Variants in MOB3B observed in about 807,000 individuals in gnomAD.
The protein encoded by MOB3B is MOB kinase activator 3B, also known as MOB kinase activator-like 2B.
Under a neutral mutation model 18.7 loss-of-function variants are expected in MOB3B, and 7 were observed. That is an observed-to-expected ratio of 0.37 (90% CI 0.21 to 0.70). The LOEUF (loss-of-function observed/expected upper bound fraction) is 0.70, where lower values mean the gene tolerates loss of function less well. Among genes scored for constraint, MOB3B ranks in the 30% least tolerant of loss-of-function variants. The pLI is 0.52. For missense variants in MOB3B, 253 were observed against 281.3 expected (o/e 0.90, Z 0.72); for synonymous variants, 111 against 99.9 (o/e 1.11, Z -0.66).
At chr9:27,504,996 C>T (rs1820038457) in intron 1 of MOB3B, among the ~76,000 whole-genome samples, 1 of 152,156 alleles carries the variant, frequency 6.6e-6, no homozygotes, top group Non-Finnish European at 1.5e-5. Flanking sequence ...TTGCCTGCCT[C>T]CTTCTCATAA....
At chr9:27,508,108 A>G (rs540536852) in intron 1 of MOB3B, among the ~76,000 whole-genome samples, 1 of 152,326 alleles carries the variant, frequency 6.6e-6, no homozygotes, top group East Asian at 1.9e-4. Flanking sequence ...AAAGGAATTC[A>G]CTTGGGAAAT....
At chr9:27,495,568 T>G (rs1819886317) in intron 1 of MOB3B, among the ~76,000 whole-genome samples, 1 of 152,096 alleles carries the variant, frequency 6.6e-6, no homozygotes, top group South Asian at 2.1e-4. Context: ...AAGGGACTGC[T>G]GAATTCAATT....
At chr9:27,423,683 G>A (rs1295665043) in intron 2 of MOB3B, among the ~76,000 whole-genome samples, 1 of 152,140 alleles carries the variant, frequency 6.6e-6, no homozygotes, top group African/African-American at 2.4e-5. Context: ...TTCACTACAA[G>A]AGTAGAAGTT....
intron 1 of MOB3B, among the ~76,000 whole-genome samples, chr9:27,489,050 G>A (rs1563881244): frequency 2.0e-5 from 3 of 152,260 alleles, no homozygotes; most frequent in African/African-American, 4.8e-5. Flanking sequence ...TGGCTCCCAC[G>A]GTAGTTTTAG....
chr9:27,376,072 A>T (rs1250766912), intron 2 of MOB3B, among the ~76,000 whole-genome samples: 1 of 152,242 alleles, frequency 6.6e-6, no homozygotes, highest in South Asian at 2.1e-4. Flanking sequence ...GTGTGTATGT[A>T]TATAGTTTTG....
intron 1 of MOB3B, among the ~76,000 whole-genome samples, chr9:27,456,997 G>T (rs916903116): frequency 2.0e-5 from 3 of 152,106 alleles, no homozygotes; most frequent in Admixed American, 2.0e-4. Context: ...ATTTATAATA[G>T]GTCTAATAGA....
At chr9:27,450,879 T>C (rs1233661437) in intron 2 of MOB3B, among the ~76,000 whole-genome samples, 30 of 152,184 alleles carry the variant, frequency 2.0e-4, no homozygotes, top group Admixed American at 1.9e-3. Context: ...ACATTAACAG[T>C]AGCAGGCACA....
At chr9:27,459,359 G>T (rs942800341) in intron 1 of MOB3B, among the ~76,000 whole-genome samples, 5 of 152,130 alleles carry the variant, frequency 3.3e-5, no homozygotes, top group African/African-American at 1.2e-4. Context: ...GAATCTACTG[G>T]TCCATGGATG....
Position 27,484,875 on chromosome 9 carries a change from G to A in MOB3B, c.-198-29127C>T, listed in dbSNP as rs1390134232. 2.0e-5 allele frequency among the ~76,000 whole-genome samples: 3 copies of A among 152,270 alleles called. No homozygotes were observed. The East Asian group carries it at 5.8e-4, about 29-fold the overall frequency. Reference sequence around the variant, plus strand: ...CTAGTAAACTACATCCACACAGTCAGGTTGAGGTATCCACTTTAGAAGGGG... The same window carrying A: ...CTAGTAAACTACATCCACACAGTCAAGTTGAGGTATCCACTTTAGAAGGGG... On this transcript the variant is annotated intron_variant, in intron 1 of 3. Transcript: ENST00000262244.
chr9:27,518,714 T>C (rs558939624), intron 1 of MOB3B, among the ~76,000 whole-genome samples: 10 of 152,232 alleles, frequency 6.6e-5, no homozygotes, highest in Middle Eastern at 6.8e-3. Context: ...GTTGATAAAA[T>C]TAAATGACAG....
At position 27,462,846 on chromosome 9, in the gene MOB3B, A is replaced by C. The variant is rs1315655107; in HGVS notation, c.-198-7098T>G. On this transcript the variant is annotated intron_variant, in intron 1 of 3. Transcript: ENST00000262244. ...TGGAACCATTGCAAAAGATCTTTGC[A>C]GGAAGGTGGAGAACACAAAATGGGC... Among the ~76,000 whole-genome samples the C allele has an allele frequency of 4.6e-5, 7 of 152,238 alleles. No individual in the cohort carries two copies. The East Asian group carries it at 1.3e-3, about 29-fold the overall frequency.
chr9:27,341,738 T>TC (rs1033215386), intron 3 of MOB3B, among the ~76,000 whole-genome samples: 21 of 152,208 alleles, frequency 1.4e-4, no homozygotes, highest in Non-Finnish European at 1.9e-4. Flanking sequence ...CCATTATGCT[T>TC]CCCCTAGAGA....
intron 1 of MOB3B, among the ~76,000 whole-genome samples, chr9:27,527,416 C>T (rs1028982704): frequency 3.5e-4 from 53 of 152,084 alleles, no homozygotes; most frequent in African/African-American, 1.3e-3. Context: ...AGATATAATA[C>T]CCAGAAATCA....
intron 2 of MOB3B, among the ~76,000 whole-genome samples, chr9:27,450,893 C>A (rs985987525): frequency 6.6e-6 from 1 of 152,146 alleles, no homozygotes; most frequent in African/African-American, 2.4e-5. Flanking sequence ...AGGCACAGGG[C>A]TTGGTATTTA....
chr9:27,351,928 A>G (rs942880397), intron 3 of MOB3B, among the ~76,000 whole-genome samples: 1 of 152,158 alleles, frequency 6.6e-6, no homozygotes, highest in Admixed American at 6.5e-5. Context: ...TTTTTAGAGG[A>G]TAGTTTTGGT....
At chr9:27,359,272 G>A (rs1457528888) in intron 2 of MOB3B, 36 bp from the exon 3 acceptor site, 1 of 1,567,520 alleles carries the variant, frequency 6.4e-7, no homozygotes, top group Admixed American at 1.7e-5. Flanking sequence ...ATGAAACCAT[G>A]ATGGGATAGA....
chr9:27,429,137 G>T (rs887767052), intron 2 of MOB3B, among the ~76,000 whole-genome samples: 1 of 152,148 alleles, frequency 6.6e-6, no homozygotes, highest in African/African-American at 2.4e-5. Flanking sequence ...AAAGGGAAAG[G>T]CCCAGAGTTA....
intron 1 of MOB3B, among the ~76,000 whole-genome samples, chr9:27,475,957 A>G (rs1044546870): frequency 5.9e-5 from 9 of 152,206 alleles, no homozygotes; most frequent in African/African-American, 2.2e-4. Context: ...CTTTAAAGAT[A>G]TAAGTGAAAT....
In MOB3B at chr9:27,393,206, G is replaced by C. The variant is rs886205195; in HGVS notation, c.419-33970C>G. Among the ~76,000 whole-genome samples, 3 of 152,316 alleles carry C rather than the reference G, an allele frequency of 2.0e-5. No individual in the cohort carries two copies. The South Asian group carries it at 6.2e-4, about 32-fold the overall frequency. ...CCTTGCTATAGGTGTTTAAAAGGCT[G>C]TCTAGGTCAGTTCTGCTTTTTCTGT... On this transcript the variant is annotated intron_variant, in intron 2 of 3. Coordinates refer to ENST00000262244, the MANE Select transcript of MOB3B (RefSeq NM_024761.5).
Sources: gnomAD v4.1 joint callset for allele counts (sites outside exome capture counted in the v4.1 genomes callset) on GRCh38, gnomAD v4.1.1 for gene constraint, MANE v1.5 for transcripts, NCBI Gene and HGNC (gene_info 2026-07-23, HGNC 2026-07-21) for gene names.